SGCD: variants seen among roughly 807,000 people sequenced by gnomAD.
SGCD encodes the protein delta-sarcoglycan.
SGCD carries 18 observed loss-of-function variants against 36.6 expected under a neutral mutation model. That is an observed-to-expected ratio of 0.49 (90% CI 0.34 to 0.73). SGCD has a LOEUF of 0.73. SGCD is among the 30% of genes least tolerant of loss of function. The pLI is 0.01. For missense variants in SGCD, 387 were observed against 346.7 expected (o/e 1.12, Z -0.92); for synonymous variants, 133 against 130.6 (o/e 1.02, Z -0.12).
chr5:156,127,504 A>T (rs1489727144), intron 3 of SGCD, among the ~76,000 whole-genome samples: 1 of 152,092 alleles, frequency 6.6e-6, no homozygotes, highest in Non-Finnish European at 1.5e-5. Context: ...ATAGTCCTAG[A>T]TACTCAGGAG....
chr5:156,555,255 T>C (rs1758975173), intron 4 of SGCD, among the ~76,000 whole-genome samples: 1 of 152,204 alleles, frequency 6.6e-6, no homozygotes, highest in Non-Finnish European at 1.5e-5. Context: ...TTTCTTTGAA[T>C]GATTGTGTTT....
intron 1 of SGCD, among the ~76,000 whole-genome samples, chr5:155,928,666 CAAAAA>C (rs58548934): frequency 5.9e-5 from 4 of 68,214 alleles, no homozygotes; most frequent in Non-Finnish European, 1.0e-4. Context: ...GACTCTGTCT[CAAAAA>C]AAAAAAAAAA....
intron 3 of SGCD, among the ~76,000 whole-genome samples, chr5:156,209,646 G>A (rs1417021025): frequency 6.6e-6 from 1 of 152,210 alleles, no homozygotes; most frequent in African/African-American, 2.4e-5. Flanking sequence ...AACCCAGGTT[G>A]CAGGTTGGCC....
Position 156,054,771 on chromosome 5 carries a change from A to G in SGCD, c.-281-63107A>G, listed in dbSNP as rs1195873093. 2.0e-5 allele frequency among the ~76,000 whole-genome samples: 3 copies of G among 146,700 alleles called. 1 individual carries two copies. The highest frequency in any genetic ancestry group is 2.0e-4 in the Admixed American group (3 of 14,750). ...AGTAGCATTTTTGTTTGTCAGGCTA[A>G]TATTAACTCTTGAATTATTCTGATT... On this transcript the variant is annotated intron_variant, in intron 1 of 9. Transcript: ENST00000517913.
intron 3 of SGCD, among the ~76,000 whole-genome samples, chr5:156,444,882 G>T (rs1753695253): frequency 6.6e-6 from 1 of 152,110 alleles, no homozygotes; most frequent in Non-Finnish European, 1.5e-5. Flanking sequence ...GGATAATAAA[G>T]ACACTAAATG....
In SGCD at chr5:156,009,980, T is replaced by C. The variant is rs536707135; in HGVS notation, c.-281-107898T>C. 2.6e-5 allele frequency among the ~76,000 whole-genome samples: 4 copies of C among 152,308 alleles called. No homozygotes were observed. The East Asian group carries it at 7.7e-4, about 29-fold the overall frequency. On this transcript the variant is annotated intron_variant, in intron 1 of 9. Coordinates refer to the SGCD transcript ENST00000517913. Reference sequence around the variant, plus strand: ...GTAGACTCAAACACGTTTTGGCAAATTTTTCTCTTTAATGATCTTGCTTTG... The same window carrying C: ...GTAGACTCAAACACGTTTTGGCAAACTTTTCTCTTTAATGATCTTGCTTTG...
At chr5:156,399,750 C>T (rs1270627053) in intron 3 of SGCD, among the ~76,000 whole-genome samples, 4 of 152,174 alleles carry the variant, frequency 2.6e-5, no homozygotes, top group Non-Finnish European at 5.9e-5. Flanking sequence ...TCACACATAA[C>T]ATTCTCTACA....
At chr5:156,737,444 T>G (rs1311554578) in intron 7 of SGCD, among the ~76,000 whole-genome samples, 1 of 152,224 alleles carries the variant, frequency 6.6e-6, no homozygotes, top group Non-Finnish European at 1.5e-5. Context: ...GTATAGTAAG[T>G]ATGCAATAAT....
At chr5:156,406,216 G>A (rs144948524) in intron 3 of SGCD, among the ~76,000 whole-genome samples, 53 of 152,184 alleles carry the variant, frequency 3.5e-4, no homozygotes, top group African/African-American at 1.2e-3. Context: ...AAGATTGTTG[G>A]TGGTGATGTC....
chr5:156,258,905 G>C (rs1053099646), intron 3 of SGCD, among the ~76,000 whole-genome samples: 1 of 151,848 alleles, frequency 6.6e-6, no homozygotes, highest in Non-Finnish European at 1.5e-5. Context: ...AGAGAGTAAA[G>C]GGGTTCTGAC....
chr5:156,504,839 T>A (rs1267513388), intron 3 of SGCD, among the ~76,000 whole-genome samples: 2 of 152,196 alleles, frequency 1.3e-5, no homozygotes, highest in Non-Finnish European at 2.9e-5. Context: ...AAGAAGGAGT[T>A]GTTTGGAATA....
chr5:156,646,725 T>C (rs2113582819), intron 6 of SGCD, among the ~76,000 whole-genome samples: 1 of 152,324 alleles, frequency 6.6e-6, no homozygotes, highest in South Asian at 2.1e-4. Context: ...TGCAATTGTC[T>C]GTGAAAAACT....
chr5:156,343,808 C>T lies in SGCD; in HGVS notation c.4-681C>T, dbSNP rs1768796457. On this transcript the variant is annotated intron_variant, in intron 2 of 8. Transcript: ENST00000337851. Reference sequence around the variant, plus strand: ...CACATTTTACTTGACTTTGACCCTCCTTTATGTTTCTTAAATAAGTTGCCT... The same window carrying T: ...CACATTTTACTTGACTTTGACCCTCTTTTATGTTTCTTAAATAAGTTGCCT... Among the ~76,000 whole-genome samples, 3 of 152,150 alleles carry T rather than the reference C, an allele frequency of 2.0e-5. No homozygotes were observed. In the South Asian group the frequency reaches 6.2e-4, roughly 32 times the overall value.
At chr5:156,725,615 C>T (rs1755735229) in intron 7 of SGCD, among the ~76,000 whole-genome samples, 1 of 152,122 alleles carries the variant, frequency 6.6e-6, no homozygotes, top group Admixed American at 6.5e-5. Context: ...AACAAAATAG[C>T]CACCCCAACC....
Position 156,584,701 on chromosome 5 carries a change from A to C in SGCD, c.295-4530A>C, listed in dbSNP as rs191746248. Among the ~76,000 whole-genome samples, 601 of 152,290 alleles carry C rather than the reference A, an allele frequency of 3.9e-3. 1 individual carries two copies. Among genetic ancestry groups the C allele is most frequent in the African/African-American group, 0.013 (557 of 41,562 alleles). On this transcript the variant is annotated intron_variant, in intron 4 of 8. Transcript: ENST00000337851. The stretch of plus-strand genomic sequence containing the variant: ...TCAAGTCTAATTTGTATCTTCTACC[A>C]TTCCTTGCACTGCATTAGGAAGTGA...
chr5:155,754,843 A>T, the SGCD span, among the ~76,000 whole-genome samples: 1 of 152,182 alleles, frequency 6.6e-6, no homozygotes, highest in Non-Finnish European at 1.5e-5. Context: ...GATGATTTAC[A>T]CATTCGTAAT....
At chr5:156,282,988 T>C (rs1480321597) in intron 3 of SGCD, among the ~76,000 whole-genome samples, 1 of 152,216 alleles carries the variant, frequency 6.6e-6, no homozygotes, top group Non-Finnish European at 1.5e-5. Flanking sequence ...CTGTGTTTAC[T>C]GTACTTCAGA....
intron 7 of SGCD, among the ~76,000 whole-genome samples, chr5:156,665,329 T>C (rs1374622404): frequency 1.3e-5 from 2 of 152,172 alleles, no homozygotes; most frequent in African/African-American, 4.8e-5. Flanking sequence ...TAATTGATTA[T>C]AGTCAACATT....
chr5:155,995,986 C>CAA lies in SGCD; in HGVS notation c.-281-121872_-281-121871dup, dbSNP rs753195795. Among the ~76,000 whole-genome samples the CAA allele has an allele frequency of 1.6e-3, 73 of 46,018 alleles. 1 individual carries two copies. Among genetic ancestry groups the CAA allele is most frequent in the East Asian group, 2.7e-3 (4 of 1,460 alleles). The allele number at this position is 46,018 out of a possible 152,430, so 30.2% of individuals were successfully genotyped here. On this transcript the variant is annotated intron_variant, in intron 1 of 9. Coordinates refer to the SGCD transcript ENST00000517913. ...TCATTGTATGTACATCAGACCACAC[C>CAA]AAAAAAAAAAAAAAAAAAAAAGAAC... is the stretch of plus-strand genomic sequence containing the variant.
Sources: gnomAD v4.1 joint callset for allele counts (sites outside exome capture counted in the v4.1 genomes callset) on GRCh38, gnomAD v4.1.1 for gene constraint, MANE v1.5 for transcripts, NCBI Gene and HGNC (gene_info 2026-07-23, HGNC 2026-07-21) for gene names.